USP12: variants seen among roughly 807,000 people sequenced by gnomAD.
The protein encoded by USP12 is ubiquitin carboxyl-terminal hydrolase 12.
In USP12, 19 loss-of-function variants were observed where a neutral mutation model predicts 45.5. The ratio of observed to expected loss-of-function variants is 0.42; its 90% confidence interval spans 0.29 to 0.61. The LOEUF (loss-of-function observed/expected upper bound fraction) is 0.61. Ranked by LOEUF, USP12 falls within the 20% of genes least tolerant of loss-of-function variation. The pLI is 0.22. For missense variants in USP12, 242 were observed against 447.7 expected, an observed-to-expected ratio of 0.54 and a Z score of 4.15; for synonymous variants, 149 against 148.8, an observed-to-expected ratio of 1.00 and a Z score of -0.01.
At chr13:27,111,403 A>G (rs936360546) in intron 2 of USP12, among the ~76,000 whole-genome samples, 1 of 152,216 alleles carries the variant, frequency 6.6e-6, no homozygotes, top group Non-Finnish European at 1.5e-5. Flanking sequence ...AAAACAAAAA[A>G]ACATTGCTTT....
intron 1 of USP12, among the ~76,000 whole-genome samples, chr13:27,155,502 T>C (rs78296085): frequency 0.011 from 1,622 of 152,236 alleles, 32 homozygotes; most frequent in African/African-American, 0.037. Flanking sequence ...ATATTACAAA[T>C]AGAAATACAA....
At chr13:27,096,283 T>C (rs913660112) in intron 3 of USP12, among the ~76,000 whole-genome samples, 17 of 152,226 alleles carry the variant, frequency 1.1e-4, no homozygotes, top group African/African-American at 3.4e-4. Flanking sequence ...TCTGATTTAG[T>C]TGATAAGGGG....
chr13:27,103,598 CAAA>C lies in USP12; in HGVS notation c.343+2130_343+2132del, dbSNP rs376135830. ...AAAGAATTAGTAACTATTGAACTAT[CAAA>C]AAAAAAAATAATAATAATAATAATA... On this transcript the variant is annotated intron_variant, in intron 3 of 8. Transcript: ENST00000282344. Among the ~76,000 whole-genome samples the C allele has an allele frequency of 5.1e-3, 657 of 128,738 alleles. 10 individuals are homozygous for C. Among genetic ancestry groups the C allele is most frequent in the Non-Finnish European group, 6.4e-3 (388 of 60,970 alleles). 84.5% of individuals were successfully genotyped at this position (128,738 alleles called of 152,430 possible). A position where few individuals can be genotyped will look rare whatever the true frequency, so the allele number is the denominator to read the frequency against.
intron 3 of USP12, among the ~76,000 whole-genome samples, chr13:27,102,431 C>T (rs1333196508): frequency 6.6e-6 from 1 of 152,178 alleles, no homozygotes; most frequent in African/African-American, 2.4e-5. Flanking sequence ...GAACGTATCA[C>T]CCACCTGCTC....
chr13:27,140,090 G>C (rs530270308), intron 1 of USP12, among the ~76,000 whole-genome samples: 96 of 152,264 alleles, frequency 6.3e-4, no homozygotes, highest in African/African-American at 2.2e-3. Flanking sequence ...TATTGACAAA[G>C]CTCATTTCAA....
intron 1 of USP12, among the ~76,000 whole-genome samples, chr13:27,128,155 G>C (rs1286071241): frequency 6.6e-6 from 1 of 152,134 alleles, no homozygotes; most frequent in Non-Finnish European, 1.5e-5. Flanking sequence ...GGAAATATAA[G>C]ATCACTGGAT....
At chr13:27,102,539 T>G (rs543342708) in intron 3 of USP12, among the ~76,000 whole-genome samples, 1 of 152,248 alleles carries the variant, frequency 6.6e-6, no homozygotes, top group Non-Finnish European at 1.5e-5. Context: ...ACTCTTGCCA[T>G]GCTAATTTTC....
At chr13:27,116,888 A>G (rs937574955) in intron 1 of USP12, among the ~76,000 whole-genome samples, 3 of 152,210 alleles carry the variant, frequency 2.0e-5, no homozygotes, top group African/African-American at 4.8e-5. Context: ...CTAGGTGTGC[A>G]GTAGGCTCTA....
chr13:27,093,295 C>T (rs1593180300), intron 4 of USP12, among the ~76,000 whole-genome samples: 1 of 118,294 alleles, frequency 8.5e-6, no homozygotes, highest in African/African-American at 2.9e-5. Context: ...GAACTAGTAG[C>T]CAAAATTATA....
intron 1 of USP12, among the ~76,000 whole-genome samples, chr13:27,130,868 A>G (rs1876469000): frequency 6.6e-6 from 1 of 152,256 alleles, no homozygotes; most frequent in Admixed American, 6.5e-5. Context: ...CAAGTCCAAA[A>G]GATTAGCTAA....
rs574033508 is a variant in USP12, at chr13:27,129,712, A to G, written c.49-13116T>C. On this transcript the variant is annotated intron_variant, in intron 1 of 8. Transcript: ENST00000282344. The surrounding 1 kb of genome is among the most constrained non-coding windows in gnomAD (Gnocchi z 4.0). ...TTAATAATAATAATAGCAAATAAAA[A>G]TAAATGTATGCATAATTTTTGTGAA... Among the ~76,000 whole-genome samples the G allele has an allele frequency of 7.8e-4, 119 of 152,310 alleles. No homozygotes were observed. Among genetic ancestry groups the G allele is most frequent in the African/African-American group, 2.8e-3 (116 of 41,572 alleles).
intron 6 of USP12, among the ~76,000 whole-genome samples, chr13:27,085,180 CTT>C (rs869073528): frequency 1.4e-5 from 1 of 72,544 alleles, no homozygotes. Context: ...TTCTTTCTTT[CTT>C]TTTTTTTTGA....
intron 8 of USP12, among the ~76,000 whole-genome samples, chr13:27,069,790 A>C (rs576512655): frequency 6.6e-6 from 1 of 152,324 alleles, no homozygotes; most frequent in South Asian, 2.1e-4. Context: ...TCTATTAAAA[A>C]TACAAAATTA....
chr13:27,168,655 G>T (rs1395054593), intron 1 of USP12, among the ~76,000 whole-genome samples: 1 of 152,106 alleles, frequency 6.6e-6, no homozygotes, highest in Non-Finnish European at 1.5e-5. Flanking sequence ...ATTTCAAGAG[G>T]TACCCTTGAA....
chr13:27,171,035 G>T (rs1878573584), intron 1 of USP12, among the ~76,000 whole-genome samples: 1 of 152,160 alleles, frequency 6.6e-6, no homozygotes, highest in South Asian at 2.1e-4. Context: ...CCTCTCCCAG[G>T]CGGGAATGAG....
At chr13:27,123,760 C>T (rs1876104231) in intron 1 of USP12, among the ~76,000 whole-genome samples, 1 of 152,170 alleles carries the variant, frequency 6.6e-6, no homozygotes, top group Non-Finnish European at 1.5e-5. Flanking sequence ...GCCTCCCCAG[C>T]CATGTGGAAA....
intron 3 of USP12, among the ~76,000 whole-genome samples, chr13:27,097,984 CTTTTT>C (rs71083630): frequency 8.6e-6 from 1 of 116,638 alleles, no homozygotes. Context: ...TTATATAGTA[CTTTTT>C]TTTTTTTTTT....
intron 3 of USP12, among the ~76,000 whole-genome samples, chr13:27,096,435 C>G (rs1405641857): frequency 6.6e-6 from 1 of 152,132 alleles, no homozygotes; most frequent in Admixed American, 6.6e-5. Flanking sequence ...TATAATTCCA[C>G]AAAACGTTCC....
At chr13:27,167,257 C>T (rs2137850584) in intron 1 of USP12, among the ~76,000 whole-genome samples, 3 of 150,954 alleles carry the variant, frequency 2.0e-5, no homozygotes, top group Middle Eastern at 6.8e-3. Flanking sequence ...AGTGAAACTC[C>T]GTCTCAAAAA....
Sources: gnomAD v4.1 joint callset for allele counts (sites outside exome capture counted in the v4.1 genomes callset) on GRCh38, gnomAD v4.1.1 for gene constraint, Gnocchi (gnomAD v3.1) non-coding constraint, MANE v1.5 for transcripts, NCBI Gene and HGNC (gene_info 2026-07-23, HGNC 2026-07-21) for gene names.